The following GABRR1 variants were observed in gnomAD, a reference collection of about 807,000 sequenced individuals.
The protein encoded by GABRR1 is gamma-aminobutyric acid type A receptor subunit rho1.
A neutral mutation model predicts 55.5 loss-of-function variants in GABRR1; 59 were observed. The observed-to-expected ratio is 1.06, with a 90% CI of 0.86 to 1.32. GABRR1 has a LOEUF of 1.32. GABRR1 is among the 40% of genes most tolerant of loss of function. GABRR1 has a pLI of 0.00. For synonymous variants in GABRR1, 213 were observed against 226.0 expected (o/e 0.94, Z 0.51); for missense variants, 602 against 619.1 (o/e 0.97, Z 0.29).
At chr6:89,186,559 T>C (rs989865325) in intron 6 of GABRR1, among the ~76,000 whole-genome samples, 7 of 152,240 alleles carry the variant, frequency 4.6e-5, no homozygotes, top group Non-Finnish European at 8.8e-5. Flanking sequence ...ATCTCTACTC[T>C]GTATGTCCTA....
At chr6:89,203,022 C>A (rs1305322877) in intron 2 of GABRR1, among the ~76,000 whole-genome samples, 1 of 152,206 alleles carries the variant, frequency 6.6e-6, no homozygotes, top group Non-Finnish European at 1.5e-5. Flanking sequence ...CCTGGAAGTA[C>A]TTCTCAAACT....
chr6:89,185,959 C>T (rs1771889039), intron 6 of GABRR1, among the ~76,000 whole-genome samples: 1 of 152,160 alleles, frequency 6.6e-6, no homozygotes, highest in Admixed American at 6.5e-5. Flanking sequence ...GAACAAGTCC[C>T]TCTCTGTAGG....
At position 89,188,149 on chromosome 6, in the gene GABRR1, G is replaced by A. The variant is rs138485845; in HGVS notation, c.655+2016C>T. Among the ~76,000 whole-genome samples the A allele has an allele frequency of 1.7e-3, 265 of 151,864 alleles. 1 individual carries two copies. The highest frequency in any genetic ancestry group is 5.2e-3 in the African/African-American group (216 of 41,390). ...AGTGATTCTCCTGCCTCAGCCTCCC[G>A]AGCAGCTGGGACCACAGATGCCAGC... On this transcript the variant is annotated intron_variant, in intron 6 of 9. Coordinates refer to ENST00000454853, the MANE Select transcript of GABRR1 (RefSeq NM_002042.5).
intron 1 of GABRR1, among the ~76,000 whole-genome samples, chr6:89,230,343 G>A (rs1202166192): frequency 1.4e-5 from 2 of 141,042 alleles, no homozygotes; most frequent in Non-Finnish European, 3.1e-5. Context: ...GGCGCTCTGC[G>A]TTTTAGAGTT....
intron 1 of GABRR1, chr6:89,204,551 T>C (rs543061158): frequency 1.0e-6 from 1 of 1,003,720 alleles, no homozygotes; most frequent in Admixed American, 3.6e-5. Context: ...CAGGAGGGAA[T>C]GAAAGAGGAG....
intron 5 of GABRR1, among the ~76,000 whole-genome samples, chr6:89,195,394 T>C (rs1582387490): frequency 1.3e-5 from 2 of 150,248 alleles, no homozygotes; most frequent in Admixed American, 1.3e-4. Flanking sequence ...ACCCGAGAGG[T>C]GGAGGTTGCA....
chr6:89,217,639 C>G (rs1357723845), upstream of GABRR1: 7 of 230,106 alleles, frequency 3.0e-5, no homozygotes, highest in Non-Finnish European at 5.1e-5. Context: ...GTCTTATTTT[C>G]TGGTGCGTCG....
intron 7 of GABRR1, among the ~76,000 whole-genome samples, chr6:89,185,100 G>C (rs1160916746): frequency 6.6e-6 from 1 of 152,080 alleles, no homozygotes; most frequent in Non-Finnish European, 1.5e-5. Context: ...GGCCAGGCTT[G>C]TCTTGAACTC....
upstream of GABRR1, among the ~76,000 whole-genome samples, chr6:89,217,960 T>C (rs1486358805): frequency 6.6e-6 from 1 of 152,316 alleles, no homozygotes; most frequent in Middle Eastern, 3.4e-3. Context: ...TCCTTGTCAG[T>C]TGCATTGTTC....
chr6:89,201,954 C>G lies in GABRR1; in HGVS notation c.174-689G>C, dbSNP rs139399020. 8.0e-3 allele frequency among the ~76,000 whole-genome samples: 1,222 copies of G among 152,214 alleles called. 4 individuals carry two copies. The highest frequency in any genetic ancestry group is 0.012 in the Non-Finnish European group (811 of 68,008). Reference sequence around the variant, plus strand: ...TAATAGCCCAAATTCCCTTAAAGTGCCTCAGCCTTTTGAGGGGTTTTGAGC... The same window carrying G: ...TAATAGCCCAAATTCCCTTAAAGTGGCTCAGCCTTTTGAGGGGTTTTGAGC... On this transcript the variant is annotated intron_variant, in intron 2 of 9. Transcript: ENST00000454853.
upstream of GABRR1, chr6:89,217,413 T>C: frequency 7.0e-7 from 1 of 1,434,146 alleles, no homozygotes; most frequent in Non-Finnish European, 9.4e-7. Context: ...GTCTGTTCAT[T>C]ATTAGAAGGA....
At chr6:89,204,940 G>A (rs1582398097) in intron 1 of GABRR1, among the ~76,000 whole-genome samples, 2 of 152,048 alleles carry the variant, frequency 1.3e-5, no homozygotes, top group African/African-American at 4.8e-5. Flanking sequence ...AATATATCAT[G>A]GAATTTTTTT....
chr6:89,230,807 A>G (rs1055261083), intron 1 of GABRR1, among the ~76,000 whole-genome samples: 11 of 151,372 alleles, frequency 7.3e-5, no homozygotes, highest in African/African-American at 1.2e-4. Flanking sequence ...CGAGCTTCCC[A>G]GCTGCTTTGT....
intron 1 of GABRR1, among the ~76,000 whole-genome samples, chr6:89,225,510 C>T (rs1183863397): frequency 5.9e-5 from 8 of 135,142 alleles, no homozygotes; most frequent in East Asian, 2.1e-4. Flanking sequence ...TGAGAATATG[C>T]GGTGTTTGGT....
At chr6:89,217,427 T>C, upstream of GABRR1, 1 of 1,336,248 alleles carries the variant, frequency 7.5e-7, no homozygotes, top group Non-Finnish European at 1.0e-6. Context: ...AGAAGGATGT[T>C]TACTCATGCA....
chr6:89,222,131 C>T (rs77374392), upstream of GABRR1, among the ~76,000 whole-genome samples: 367 of 152,344 alleles, frequency 2.4e-3, no homozygotes, highest in Non-Finnish European at 4.3e-3. Flanking sequence ...GAGCTGCACT[C>T]ATCACTTCAA....
At position 89,203,362 on chromosome 6, in the gene GABRR1, G is replaced by C. The variant is rs1423546883; in HGVS notation, c.173+73C>G. 5.2e-6 allele frequency: 7 copies of C among 1,343,596 alleles called. No homozygotes were observed. The African/African-American group carries it at 8.6e-5, about 17-fold the overall frequency. The allele number at this position is 1,343,596 out of a possible 1,614,324, so 83.2% of individuals were successfully genotyped here. On this transcript the variant is annotated intron_variant, in intron 2 of 9. Coordinates refer to ENST00000454853, the MANE Select transcript of GABRR1 (RefSeq NM_002042.5). ...TGGTGAGGGGTCGGGGAGGGGCCCT[G>C]CTGAAAATCACTACAGTTGAGGTTC... is the stretch of plus-strand genomic sequence containing the variant.
At chr6:89,224,400 G>A (rs1773164415) in intron 1 of GABRR1, among the ~76,000 whole-genome samples, 1 of 152,086 alleles carries the variant, frequency 6.6e-6, no homozygotes, top group Admixed American at 6.6e-5. Context: ...CCTGCATTGT[G>A]GTTTTGATTT....
At chr6:89,201,095 A>T in intron 3 of GABRR1, 64 bp downstream of exon 3, 1 of 1,254,362 alleles carries the variant, frequency 8.0e-7, no homozygotes, top group Non-Finnish European at 1.2e-6. Flanking sequence ...TCCCTTGGCT[A>T]ATTTCCTGCC....
Sources: allele counts gnomAD v4.1 joint callset (sites outside exome capture counted in the v4.1 genomes callset), GRCh38; gene constraint gnomAD v4.1.1; transcripts MANE v1.5; gene names NCBI Gene and HGNC (gene_info 2026-07-23, HGNC 2026-07-21).